Variants in SLC30A8 observed in about 807,000 individuals in gnomAD.
SLC30A8 encodes the protein solute carrier family 30 member 8.
In SLC30A8, 27 loss-of-function variants were observed where a neutral mutation model predicts 36.9. The observed-to-expected ratio is 0.73, with a 90% CI of 0.54 to 1.01. The LOEUF (loss-of-function observed/expected upper bound fraction) is 1.01. Ranked by LOEUF, SLC30A8 falls within the 50% of genes least tolerant of loss-of-function variation. The pLI, the probability that SLC30A8 is intolerant of heterozygous loss-of-function variation, is 0.00. For synonymous variants in SLC30A8, 164 were observed against 172.4 expected (o/e 0.95, Z 0.38); for missense variants, 439 against 452.0 (o/e 0.97, Z 0.26).
At chr8:117,037,542 T>C (rs960771353) in intron 1 of SLC30A8, among the ~76,000 whole-genome samples, 1 of 152,148 alleles carries the variant, frequency 6.6e-6, no homozygotes, top group South Asian at 2.1e-4. Flanking sequence ...AAGACAACTT[T>C]GACTCTATGG....
chr8:117,165,389 C>G (rs989763442), intron 6 of SLC30A8, among the ~76,000 whole-genome samples: 8 of 152,176 alleles, frequency 5.3e-5, no homozygotes, highest in African/African-American at 1.7e-4. Context: ...GTATATTTAT[C>G]TGCACAGCAA....
chr8:117,138,225 T>TAGA (rs1403330490), intron 1 of SLC30A8, among the ~76,000 whole-genome samples: 3 of 151,880 alleles, frequency 2.0e-5, no homozygotes, highest in African/African-American at 7.3e-5. Context: ...AGGGCAGGAA[T>TAGA]AGATGGTAGA....
At chr8:116,964,228 A>G (rs1045356041) in intron 1 of SLC30A8, among the ~76,000 whole-genome samples, 28 of 152,170 alleles carry the variant, frequency 1.8e-4, no homozygotes, top group African/African-American at 6.5e-4. Flanking sequence ...AAAGAGTACT[A>G]TCCTTTTGAA....
intron 2 of SLC30A8, among the ~76,000 whole-genome samples, chr8:117,082,787 A>C (rs62510513): frequency 0.059 from 8,984 of 152,184 alleles, 308 homozygotes; most frequent in East Asian, 0.12. Context: ...GTTTTGTTTG[A>C]ACTGGAGCAC....
At position 117,154,250 on chromosome 8, in the gene SLC30A8, C is replaced by T. The variant is rs1002680073; in HGVS notation, c.418+1160C>T. On this transcript the variant is annotated intron_variant, in intron 3 of 7. Coordinates refer to ENST00000456015, the MANE Select transcript of SLC30A8 (RefSeq NM_173851.3). ...ATTTTTACAGTCCCTCCCTAACCCA[C>T]CCCCACAACCCCCACACTCTGCAAC... Among the ~76,000 whole-genome samples the T allele has an allele frequency of 2.0e-5, 3 of 151,740 alleles. No individual in the cohort carries two copies. The South Asian group carries it at 6.3e-4, about 32-fold the overall frequency.
chr8:117,020,493 A>C (rs1459099903), intron 1 of SLC30A8, among the ~76,000 whole-genome samples: 4 of 152,220 alleles, frequency 2.6e-5, no homozygotes, highest in African/African-American at 9.6e-5. Flanking sequence ...AAACATATAC[A>C]TAGTTCTTGA....
At chr8:117,025,137 C>T (rs1013086898) in intron 1 of SLC30A8, among the ~76,000 whole-genome samples, 7 of 152,094 alleles carry the variant, frequency 4.6e-5, no homozygotes, top group South Asian at 2.1e-4. Context: ...ATTTGAAATT[C>T]GGAGAGTTTA....
Position 117,065,106 on chromosome 8 carries a change from T to C in SLC30A8, c.-226+25848T>C, listed in dbSNP as rs187659643. ...TTTATTATATGCATTTTAAATACTT[T>C]AGTGTGTCTCCCAGAAAGTTATCTG... On this transcript the variant is annotated intron_variant, in intron 2 of 10. Coordinates refer to the SLC30A8 transcript ENST00000427715. 3.4e-3 allele frequency among the ~76,000 whole-genome samples: 525 copies of C among 152,310 alleles called. 4 individuals are homozygous for C. Among genetic ancestry groups the C allele is most frequent in the African/African-American group, 0.012 (480 of 41,570 alleles).
intron 2 of SLC30A8, among the ~76,000 whole-genome samples, chr8:117,080,538 C>T (rs1002214214): frequency 1.3e-5 from 2 of 152,122 alleles, no homozygotes; most frequent in African/African-American, 2.4e-5. Flanking sequence ...TCTTTATGTC[C>T]ATGTGTACCC....
At chr8:117,058,231 GTTAT>G (rs1360844986) in intron 2 of SLC30A8, among the ~76,000 whole-genome samples, 1 of 151,964 alleles carries the variant, frequency 6.6e-6, no homozygotes, top group Non-Finnish European at 1.5e-5. Context: ...TTTTAATTGG[GTTAT>G]TTGTTCTTTT....
Position 117,018,669 on chromosome 8 carries a change from C to CG in SLC30A8, c.-265-20550_-265-20549insG, listed in dbSNP as rs1361528417. Among the ~76,000 whole-genome samples the CG allele has an allele frequency of 1.6e-5, 2 of 122,396 alleles. 1 individual carries two copies. Among genetic ancestry groups the CG allele is most frequent in the East Asian group, 6.2e-4 (2 of 3,218 alleles). The allele number at this position is 122,396 out of a possible 152,430, so 80.3% of individuals were successfully genotyped here. Reference sequence around the variant, plus strand: ...TGTGGGCCAAATCTGACTAGCCCCCCCCCCCCTTTTTTTTTTTGATGGAGT... The same window carrying CG: ...TGTGGGCCAAATCTGACTAGCCCCCCGCCCCCCTTTTTTTTTTTGATGGAGT... On this transcript the variant is annotated intron_variant, in intron 1 of 10. Coordinates refer to the SLC30A8 transcript ENST00000427715.
chr8:117,169,586 C>T (rs1823260046), intron 6 of SLC30A8, among the ~76,000 whole-genome samples: 1 of 152,054 alleles, frequency 6.6e-6, no homozygotes, highest in African/African-American at 2.4e-5. Context: ...TAAAGAAATA[C>T]CTGAGACTGG....
chr8:117,040,615 G>T (rs1817355570), intron 2 of SLC30A8, among the ~76,000 whole-genome samples: 3 of 152,068 alleles, frequency 2.0e-5, no homozygotes, highest in Admixed American at 6.6e-5. Context: ...TACCTATTTT[G>T]CCTCCAAGTA....
Position 117,167,859 on chromosome 8 carries a change from A to G in SLC30A8, c.830-3175A>G, listed in dbSNP as rs562706438. 4.6e-5 allele frequency among the ~76,000 whole-genome samples: 7 copies of G among 152,270 alleles called. No individual in the cohort carries two copies. In the South Asian group the frequency reaches 1.2e-3, roughly 27 times the overall value. ...ATTAGTATGTTTTTTCACTGCTCATAAAGACATACCTGAGACTGGGTAATT... is the reference window on the plus strand; with the variant it reads ...ATTAGTATGTTTTTTCACTGCTCATGAAGACATACCTGAGACTGGGTAATT... On this transcript the variant is annotated intron_variant, in intron 6 of 7. Coordinates refer to ENST00000456015, the MANE Select transcript of SLC30A8 (RefSeq NM_173851.3).
intron 2 of SLC30A8, among the ~76,000 whole-genome samples, 199 bp from the exon 3 acceptor site, chr8:117,152,745 C>T (rs1238519469): frequency 6.6e-6 from 1 of 152,174 alleles, no homozygotes; most frequent in African/African-American, 2.4e-5. Context: ...AATGGCTTCT[C>T]CTTTGAAATT....
intron 2 of SLC30A8, among the ~76,000 whole-genome samples, chr8:117,106,348 A>G (rs753702685): frequency 3.9e-4 from 59 of 152,196 alleles, no homozygotes; most frequent in Non-Finnish European, 5.4e-4. Flanking sequence ...CCCTTATGCA[A>G]TTGTGGTACA....
chr8:116,983,537 CAT>C (rs1374571023), intron 1 of SLC30A8, among the ~76,000 whole-genome samples: 5 of 152,210 alleles, frequency 3.3e-5, no homozygotes, highest in East Asian at 1.9e-4. Flanking sequence ...GCATATGTCT[CAT>C]GTACTTTTTT....
chr8:117,141,365 C>T (rs1422342092), intron 1 of SLC30A8, among the ~76,000 whole-genome samples: 3 of 152,092 alleles, frequency 2.0e-5, no homozygotes, highest in African/African-American at 7.2e-5. Flanking sequence ...CTTAATTTAA[C>T]ATCTGAAATA....
At chr8:116,952,700 G>A (rs1030529786) in intron 1 of SLC30A8, among the ~76,000 whole-genome samples, 29 of 151,930 alleles carry the variant, frequency 1.9e-4, no homozygotes, top group Admixed American at 6.6e-4. Flanking sequence ...CAAGTGACCC[G>A]CCCACCTTGG....
Sources: allele counts gnomAD v4.1 joint callset (sites outside exome capture counted in the v4.1 genomes callset), GRCh38; gene constraint gnomAD v4.1.1; transcripts MANE v1.5; gene names NCBI Gene and HGNC (gene_info 2026-07-23, HGNC 2026-07-21).